The following TBCCD1 variants were observed in gnomAD, a reference collection of about 807,000 sequenced individuals.
TBCCD1 encodes TBCC domain containing 1.
TBCCD1 carries 26 observed loss-of-function variants against 53.4 expected under a neutral mutation model. The observed-to-expected ratio is 0.49, with a 90% CI of 0.36 to 0.68. The LOEUF (loss-of-function observed/expected upper bound fraction) is 0.68. Among genes scored for constraint, TBCCD1 ranks in the 30% least tolerant of loss-of-function variants. TBCCD1 has a pLI of 0.00. For missense variants in TBCCD1, 558 were observed against 669.5 expected (o/e 0.83, Z 1.84); for synonymous variants, 245 against 241.7 (o/e 1.01, Z -0.13).
At chr3:186,569,718 G>T (rs1324913710), upstream of TBCCD1, among the ~76,000 whole-genome samples, 1 of 151,960 alleles carries the variant, frequency 6.6e-6, no homozygotes, top group East Asian at 1.9e-4. Flanking sequence ...GGGCAAGGAG[G>T]CCAGTTAGGA....
chr3:186,556,062 C>G (rs1560225906), intron 4 of TBCCD1, among the ~76,000 whole-genome samples: 1 of 152,144 alleles, frequency 6.6e-6, no homozygotes, highest in Non-Finnish European at 1.5e-5. Context: ...TGGGAGGTCA[C>G]ATGAGTATGC....
chr3:186,566,352 CCT>C (rs1168850806), intron 1 of TBCCD1, among the ~76,000 whole-genome samples: 1 of 152,150 alleles, frequency 6.6e-6, no homozygotes, highest in Non-Finnish European at 1.5e-5. Flanking sequence ...GCCAACTGTG[CCT>C]CTCTCGAGAA....
chr3:186,565,804 TTAAG>T (rs1714812073), intron 1 of TBCCD1, among the ~76,000 whole-genome samples: 1 of 152,360 alleles, frequency 6.6e-6, no homozygotes, highest in African/African-American at 2.4e-5. Context: ...TTTTGTGAAA[TTAAG>T]TAATTGACAT....
upstream of TBCCD1, among the ~76,000 whole-genome samples, chr3:186,569,640 T>TA (rs56934961): frequency 1.3e-5 from 2 of 150,532 alleles, no homozygotes; most frequent in African/African-American, 2.5e-5. Flanking sequence ...TTTTTTTTTT[T>TA]AAATCATGGA....
At position 186,564,172 on chromosome 3, in the gene TBCCD1, T is replaced by C. The variant is rs760697262; in HGVS notation, c.158A>G (p.Tyr53Cys). Residue 53 changes from tyrosine (Y) to cysteine (C), a missense_variant, in exon 2 of 8, where the codon TAC becomes TGC. Tyr to Cys is a radical substitution (Grantham distance 194, BLOSUM62 -2). Coordinates refer to ENST00000338733, the MANE Select transcript of TBCCD1 (RefSeq NM_018138.5). ...RATEGAYPRLYWSTWRHIACG... is the reference protein window; with the variant it reads ...RATEGAYPRLCWSTWRHIACG... Reference sequence around the variant, plus strand: ...AGCGATGTGCCTCCATGTAGACCAGTAGAGGCGCGGGTAAGCTCCTTCTGT... The same window carrying C: ...AGCGATGTGCCTCCATGTAGACCAGCAGAGGCGCGGGTAAGCTCCTTCTGT... 1.5e-5 allele frequency: 25 copies of C among 1,614,070 alleles called. No individual in the cohort carries two copies. The highest frequency in any genetic ancestry group is 3.3e-4 in the Middle Eastern group (2 of 6,084).
In TBCCD1 at chr3:186,557,178, C is replaced by A. The variant is rs1288044112; in HGVS notation, c.493-403G>T. Among the ~76,000 whole-genome samples the A allele has an allele frequency of 2.0e-5, 3 of 152,162 alleles. No individual in the cohort carries two copies. The East Asian group carries it at 5.8e-4, about 29-fold the overall frequency. On this transcript the variant is annotated intron_variant, in intron 3 of 7. Coordinates refer to ENST00000338733, the MANE Select transcript of TBCCD1 (RefSeq NM_018138.5). ...CAGAGAGGTCGTGCTGTAGTATAAA[C>A]CAAAGTCACCATTTATTGGTGCTTA...
chr3:186,557,623 A>G (rs892486261), intron 3 of TBCCD1, among the ~76,000 whole-genome samples: 8 of 152,208 alleles, frequency 5.3e-5, no homozygotes, highest in African/African-American at 1.9e-4. Context: ...ATAAGTTAAG[A>G]GAGAAGGGAA....
At chr3:186,566,319 G>A (rs1288634176) in intron 1 of TBCCD1, among the ~76,000 whole-genome samples, 3 of 152,174 alleles carry the variant, frequency 2.0e-5, no homozygotes, top group Admixed American at 6.5e-5. Flanking sequence ...GGGATTACAG[G>A]CGTGACCCAC....
At chr3:186,553,115 T>C (rs1009254332) in intron 6 of TBCCD1, among the ~76,000 whole-genome samples, 5 of 152,224 alleles carry the variant, frequency 3.3e-5, no homozygotes, top group African/African-American at 9.6e-5. Context: ...AAAGTTAAAC[T>C]GACTACTTTC....
upstream of TBCCD1, chr3:186,567,352 TC>T (rs1714870077): frequency 6.6e-6 from 1 of 152,218 alleles, no homozygotes; most frequent in Non-Finnish European, 1.5e-5. Flanking sequence ...CTCACCCTCC[TC>T]CGCGCGCCGC....
At chr3:186,558,826 C>G (rs926619224) in intron 2 of TBCCD1, among the ~76,000 whole-genome samples, 8 of 152,130 alleles carry the variant, frequency 5.3e-5, no homozygotes, top group African/African-American at 1.9e-4. Context: ...CTGCAACCTC[C>G]GCCTTCCTGG....
chr3:186,555,176 T>C, intron 4 of TBCCD1, 92 bp from the exon 5 acceptor site: 1 of 1,244,754 alleles, frequency 8.0e-7, no homozygotes, highest in Admixed American at 3.0e-5. Flanking sequence ...TGTATATATG[T>C]CTCAAATTAG....
In TBCCD1 at chr3:186,551,185, G is replaced by A. The variant is rs558586799; in HGVS notation, c.1639C>T (p.Pro547Ser). 2.5e-5 allele frequency: 41 copies of A among 1,612,272 alleles called. No individual in the cohort carries two copies. The highest frequency in any genetic ancestry group is 3.2e-5 in the Non-Finnish European group (38 of 1,179,954). ...GCTTGTTTGGAGCCTGCTGCAGGGG[G>A]TACAAGGCTGTCCAGCTGTTGGCGA... ...GHRQQLDSLV[P>S]PAAGSKQAAG The change falls in exon 7 of 8, where the codon CCC (proline) becomes TCC (serine). Residue 547 changes from proline (P) to serine (S), a missense_variant. Pro to Ser is a moderately conservative substitution (Grantham distance 74, BLOSUM62 -1). Transcript: ENST00000338733.
chr3:186,552,664 A>G (rs1714415314), intron 6 of TBCCD1, among the ~76,000 whole-genome samples: 1 of 152,210 alleles, frequency 6.6e-6, no homozygotes, highest in African/African-American at 2.4e-5. Flanking sequence ...CCTGCTTCCT[A>G]GAACTCTCCC....
At chr3:186,561,878 T>G (rs1473390899) in intron 2 of TBCCD1, among the ~76,000 whole-genome samples, 1 of 152,230 alleles carries the variant, frequency 6.6e-6, no homozygotes, top group Non-Finnish European at 1.5e-5. Context: ...TCTGGGTATT[T>G]ATCCAAAGGA....
rs754213109 is a variant in TBCCD1, at chr3:186,551,229, C to T, written c.1595G>A (p.Trp532Ter). 35 of 1,613,492 alleles carry T rather than the reference C, an allele frequency of 2.2e-5. No individual in the cohort carries two copies. The South Asian group carries it at 3.7e-4, about 17-fold the overall frequency. Residue 532 changes from tryptophan (W) to a stop codon, truncating the protein, a stop_gained, in exon 7 of 8, where the codon TGG (tryptophan) becomes TAG (stop). Transcript: ENST00000338733. LOFTEE classifies it high-confidence loss of function. ...QVLVENKFYEWLINTGHRQQL... is the reference protein window; with the variant it reads ...QVLVENKFYE ...TTGGCGATGTCCTGTATTAATCAACCATTCATAAAACTTGTTCTCTACCAG... is the reference window on the plus strand; with the variant it reads ...TTGGCGATGTCCTGTATTAATCAACTATTCATAAAACTTGTTCTCTACCAG...
chr3:186,552,591 C>T (rs560110828), intron 6 of TBCCD1, among the ~76,000 whole-genome samples: 51 of 152,282 alleles, frequency 3.3e-4, no homozygotes, highest in Non-Finnish European at 6.2e-4. Context: ...CTTCCTTCCT[C>T]CTGCCTTAGA....
chr3:186,551,750 G>A (rs541285967), intron 6 of TBCCD1, among the ~76,000 whole-genome samples: 18 of 152,344 alleles, frequency 1.2e-4, no homozygotes, highest in African/African-American at 4.3e-4. Context: ...CAACGCGGGT[G>A]GATCGCTTGA....
upstream of TBCCD1, among the ~76,000 whole-genome samples, chr3:186,568,346 G>C (rs967370409): frequency 4.6e-5 from 7 of 151,976 alleles, no homozygotes; most frequent in Non-Finnish European, 1.0e-4. Flanking sequence ...ATTTCAAATA[G>C]TGAAAAATGC....
Sources: gnomAD v4.1 joint callset for allele counts (sites outside exome capture counted in the v4.1 genomes callset) on GRCh38, gnomAD v4.1.1 for gene constraint, MANE v1.5 for transcripts, NCBI Gene and HGNC (gene_info 2026-07-23, HGNC 2026-07-21) for gene names.